Variants in BACE2 observed in about 807,000 individuals in gnomAD.
The protein encoded by BACE2 is 56 kDa aspartic-like protease.
BACE2 carries 17 observed loss-of-function variants against 46.2 expected under a neutral mutation model. The ratio of observed to expected loss-of-function variants is 0.37; its 90% CI spans 0.25 to 0.55. The LOEUF is 0.55. Ranked by LOEUF, BACE2 falls within the 20% of genes least tolerant of loss-of-function variation. BACE2 has a pLI of 0.82. For synonymous variants in BACE2, 277 were observed against 295.9 expected, an observed-to-expected ratio of 0.94 and a Z score of 0.66; for missense variants, 595 against 698.1, an observed-to-expected ratio of 0.85 and a Z score of 1.66.
intron 5 of BACE2, 101 bp downstream of exon 5, chr21:41,243,611 C>A: frequency 8.0e-7 from 1 of 1,252,838 alleles, no homozygotes; most frequent in Non-Finnish European, 1.1e-6. Context: ...TACATTACCT[C>A]GTAAGATAAA....
At position 41,229,220 on chromosome 21, in the gene BACE2, C is replaced by T. The variant is rs1986906984; in HGVS notation, c.401+2866C>T. Among the ~76,000 whole-genome samples the T allele has an allele frequency of 2.0e-5, 3 of 152,220 alleles. 1 individual carries two copies. The highest frequency in any genetic ancestry group is 2.1e-4 in the South Asian group (1 of 4,822). ...TCTAGTCTGTACGACACGTTTTCCA[C>T]GTTTCCCCCTCACTGGGGCTCAGCA... On this transcript the variant is annotated intron_variant, in intron 2 of 8. Coordinates refer to ENST00000330333, the MANE Select transcript of BACE2 (RefSeq NM_012105.5).
At chr21:41,191,763 G>T (rs1307277796) in intron 1 of BACE2, among the ~76,000 whole-genome samples, 1 of 152,184 alleles carries the variant, frequency 6.6e-6, no homozygotes, top group Non-Finnish European at 1.5e-5. Flanking sequence ...GACGGGGGTG[G>T]CTGGGGAAAG....
intron 1 of BACE2, among the ~76,000 whole-genome samples, chr21:41,217,424 C>T (rs112146762): frequency 3.9e-5 from 6 of 152,286 alleles, no homozygotes; most frequent in African/African-American, 1.4e-4. Context: ...CTCTCCTTTA[C>T]CTCTTTACCC....
At chr21:41,268,120 T>G (rs998258459) in intron 8 of BACE2, among the ~76,000 whole-genome samples, 1 of 152,248 alleles carries the variant, frequency 6.6e-6, no homozygotes, top group Non-Finnish European at 1.5e-5. Context: ...GCACCGATCT[T>G]AGCCCAGGAC....
At chr21:41,230,997 C>G (rs1010643074) in intron 2 of BACE2, among the ~76,000 whole-genome samples, 2 of 152,256 alleles carry the variant, frequency 1.3e-5, no homozygotes, top group Non-Finnish European at 2.9e-5. Flanking sequence ...AAAATGTCTC[C>G]TTACTTCTGT....
At chr21:41,213,242 CACGAGACA>C (rs1986353096) in intron 1 of BACE2, among the ~76,000 whole-genome samples, 2 of 152,304 alleles carry the variant, frequency 1.3e-5, no homozygotes, top group South Asian at 4.1e-4. Flanking sequence ...CAATAAAAGA[CACGAGACA>C]ACCCTAGACA....
intron 1 of BACE2, among the ~76,000 whole-genome samples, chr21:41,196,043 G>C (rs1023844469): frequency 6.6e-6 from 1 of 152,240 alleles, no homozygotes; most frequent in East Asian, 1.9e-4. Context: ...CCAGTACTTT[G>C]GGTGGCTGAG....
chr21:41,279,528 C>G lies in BACE2; in HGVS notation c.*3904C>G, dbSNP rs1360920829. ...AGGAGAATCGCTTGAACCGGGGAGG[C>G]AGAGGTTGTAGTGAGCCAAGATTGC... is the stretch of plus-strand genomic sequence containing the variant. On this transcript the variant is annotated 3_prime_UTR_variant, in exon 9 of 9. Transcript: ENST00000330333. 6.6e-6 allele frequency: 1 copy of G among 152,186 alleles called. No individual in the cohort carries two copies. The highest frequency in any genetic ancestry group is 2.1e-4 in the South Asian group (1 of 4,834). The allele number at this position is 152,186 out of a possible 1,614,324, so 9.4% of individuals were successfully genotyped here. A position where few individuals can be genotyped will look rare whatever the true frequency, so the allele number is the denominator to read the frequency against.
At chr21:41,176,934 G>T in intron 1 of BACE2, 1 of 152,334 alleles carries the variant, frequency 6.6e-6, no homozygotes. Flanking sequence ...CACGGTTTCT[G>T]AAGCTTCCTG....
chr21:41,249,448 C>T lies in BACE2; in HGVS notation c.985-1304C>T, dbSNP rs564586558. Among the ~76,000 whole-genome samples, 6 of 152,332 alleles carry T rather than the reference C, an allele frequency of 3.9e-5. No individual in the cohort carries two copies. In the East Asian group the frequency reaches 7.7e-4, roughly 20 times the overall value. ...GTACACTTGGACACGTGAACCACATCGATGTGCTGCAGAGCTCAGCCCTCT... is the reference window on the plus strand; with the variant it reads ...GTACACTTGGACACGTGAACCACATTGATGTGCTGCAGAGCTCAGCCCTCT... On this transcript the variant is annotated intron_variant, in intron 6 of 8. Transcript: ENST00000330333.
intron 1 of BACE2, among the ~76,000 whole-genome samples, chr21:41,223,070 T>A (rs1027411561): frequency 2.0e-5 from 3 of 152,094 alleles, no homozygotes; most frequent in Non-Finnish European, 2.9e-5. Context: ...ACAACAGGAA[T>A]GGGCCAGGTG....
Position 41,234,353 on chromosome 21 carries a change from T to C in BACE2, c.402-3160T>C, listed in dbSNP as rs932837109. ...TTATCACAGTGTAAAAACAGACTAA[T>C]ACACCAGGAGTTGGCAAACTCTAGC... On this transcript the variant is annotated intron_variant, in intron 2 of 8. Transcript: ENST00000330333. Among the ~76,000 whole-genome samples the C allele has an allele frequency of 2.6e-5, 4 of 152,220 alleles. No homozygotes were observed. The East Asian group carries it at 7.7e-4, about 29-fold the overall frequency.
At chr21:41,243,599 G>A (rs1987369045) in intron 5 of BACE2, 89 bp downstream of exon 5, 1 of 1,338,618 alleles carries the variant, frequency 7.5e-7, no homozygotes, top group Non-Finnish European at 1.0e-6. Context: ...GCCAATAGAA[G>A]GTACATTACC....
chr21:41,184,562 C>A (rs1205893657), intron 1 of BACE2: 1 of 167,114 alleles, frequency 6.0e-6, no homozygotes, highest in Non-Finnish European at 1.5e-5. Flanking sequence ...ACAGGCTTGA[C>A]CTTAGGGGCT....
At position 41,247,693 on chromosome 21, in the gene BACE2, A is replaced by G. The variant is rs144858884; in HGVS notation, c.984+1630A>G. 4.3e-3 allele frequency among the ~76,000 whole-genome samples: 659 copies of G among 152,372 alleles called. 1 individual carries two copies. Among genetic ancestry groups the G allele is most frequent in the Admixed American group, 7.3e-3 (112 of 15,312 alleles). ...GTGGGGCGCTCGCACTCCCGAGCTCATCGTGGCATGCGCTGAGCCGAAAAC... is the reference window on the plus strand; with the variant it reads ...GTGGGGCGCTCGCACTCCCGAGCTCGTCGTGGCATGCGCTGAGCCGAAAAC... On this transcript the variant is annotated intron_variant, in intron 6 of 8. Coordinates refer to ENST00000330333, the MANE Select transcript of BACE2 (RefSeq NM_012105.5).
At chr21:41,252,509 G>GTT (rs1987670431) in intron 7 of BACE2, 2 of 152,224 alleles carry the variant, frequency 1.3e-5, no homozygotes, top group African/African-American at 4.8e-5. Flanking sequence ...ATCTGGCATG[G>GTT]AATCTTATCT....
intron 1 of BACE2, among the ~76,000 whole-genome samples, chr21:41,223,243 C>G (rs1273245579): frequency 6.6e-6 from 1 of 151,864 alleles, no homozygotes; most frequent in Admixed American, 6.6e-5. Context: ...GTGGTCCCAG[C>G]TACTTTGGAG....
At chr21:41,237,110 G>C (rs1781714525) in intron 2 of BACE2, among the ~76,000 whole-genome samples, 1 of 152,162 alleles carries the variant, frequency 6.6e-6, no homozygotes, top group Non-Finnish European at 1.5e-5. Context: ...CTTGGACACG[G>C]CAACCTTATC....
In BACE2 at chr21:41,242,924, TA is replaced by T. The variant is rs756487015; in HGVS notation, c.748-451del. ...TATTTTATTTTATTTCATTTATTATTATTTTTTTTAGATGGAGTCTCGCTCT... is the reference window on the plus strand; with the variant it reads ...TATTTTATTTTATTTCATTTATTATTTTTTTTTTAGATGGAGTCTCGCTCT... On this transcript the variant is annotated intron_variant, in intron 4 of 8. Transcript: ENST00000330333. Among the ~76,000 whole-genome samples the T allele has an allele frequency of 1.8e-4, 28 of 152,236 alleles. 1 individual carries two copies. Among genetic ancestry groups the T allele is most frequent in the East Asian group, 5.8e-4 (3 of 5,174 alleles).
Sources: gnomAD v4.1 joint callset for allele counts (sites outside exome capture counted in the v4.1 genomes callset) on GRCh38, gnomAD v4.1.1 for gene constraint, MANE v1.5 for transcripts, NCBI Gene and HGNC (gene_info 2026-07-23, HGNC 2026-07-21) for gene names.